TKTL1: variants seen among roughly 807,000 people sequenced by gnomAD.
TKTL1 encodes transketolase like 1.
TKTL1 carries 1 observed loss-of-function variant against 39.3 expected under a neutral mutation model. That is an observed-to-expected ratio of 0.03 (90% CI 0.01 to 0.12). The LOEUF (loss-of-function observed/expected upper bound fraction) is 0.12. Ranked by LOEUF, TKTL1 falls within the 10% of genes least tolerant of loss-of-function variation. TKTL1 has a pLI of 1.00. For missense variants in TKTL1, 575 were observed against 509.6 expected (o/e 1.13, Z -1.24); for synonymous variants, 262 against 193.8 (o/e 1.35, Z -2.92).
Position 154,320,983 on chromosome X carries a change from T to C in TKTL1, c.1186+70T>C. The C allele has an allele frequency of 2.8e-6, 3 of 1,079,362 alleles. 1 individual carries two copies. In the African/African-American group the frequency reaches 5.4e-5, roughly 20 times the overall value. The allele number at this position is 1,079,362 out of a possible 1,213,427, so 89.0% of individuals were successfully genotyped here. ...CAGAGAAAGATTAGCATGTGATTGGTTAAACCACGAATTTCCTTATGGTTC... is the reference window on the plus strand; with the variant it reads ...CAGAGAAAGATTAGCATGTGATTGGCTAAACCACGAATTTCCTTATGGTTC... On this transcript the variant is annotated intron_variant, in intron 8 of 12. Transcript: ENST00000369915.
chrX:154,310,479 C>CT (rs1196138422), intron 3 of TKTL1, among the ~76,000 whole-genome samples: 1 of 112,410 alleles, frequency 8.9e-6, no homozygotes. Flanking sequence ...TAAAAGGGAA[C>CT]TTACCAGAAA....
At chrX:154,311,630 A>C (rs971900840) in intron 5 of TKTL1, among the ~76,000 whole-genome samples, 1 of 111,257 alleles carries the variant, frequency 9.0e-6, no homozygotes, top group East Asian at 2.8e-4. Flanking sequence ...GAACCCTGGG[A>C]ATTGGGGAAG....
At chrX:154,325,074 G>A (rs1246425955) in intron 9 of TKTL1, among the ~76,000 whole-genome samples, 2 of 111,928 alleles carry the variant, frequency 1.8e-5, no homozygotes, top group East Asian at 5.6e-4. Flanking sequence ...TTAATGTTCT[G>A]TCTGCACAGA....
At position 154,305,357 on chromosome X, in the gene TKTL1, A is replaced by G. The variant is rs782086049; in HGVS notation, c.188A>G (p.Tyr63Cys). ...GAGATCATGTCTGTGCTGTTCTTCT[A>G]CATCATGAGGTACAAGCAGTCAGAT... ...SSEIMSVLFF[Y>C]IMRYKQSDPE... The change falls in exon 2 of 13, where the codon TAC (tyrosine) becomes TGC (cysteine). Residue 63 changes from tyrosine (Y) to cysteine (C), a missense_variant. Coordinates refer to ENST00000369915, the MANE Select transcript of TKTL1 (RefSeq NM_012253.4). 12 of 1,210,752 alleles carry G rather than the reference A, an allele frequency of 9.9e-6. No homozygotes were observed. Among genetic ancestry groups the G allele is most frequent in the Non-Finnish European group, 1.2e-5 (11 of 894,840 alleles).
intron 3 of TKTL1, among the ~76,000 whole-genome samples, chrX:154,309,862 G>C (rs1042908263): frequency 1.4e-4 from 15 of 110,303 alleles, no homozygotes; most frequent in Non-Finnish European, 1.9e-4. Flanking sequence ...AGCCTCCTGA[G>C]TAGCTGGGAT....
chrX:154,323,639 T>C (rs2067470189), intron 9 of TKTL1, among the ~76,000 whole-genome samples: 1 of 111,993 alleles, frequency 8.9e-6, no homozygotes, highest in Non-Finnish European at 1.9e-5. Flanking sequence ...CAAAGGGTGC[T>C]TAAGAAGCCG....
intron 2 of TKTL1, among the ~76,000 whole-genome samples, chrX:154,307,488 C>T (rs941471667): frequency 1.8e-5 from 2 of 112,767 alleles, no homozygotes; most frequent in Non-Finnish European, 3.8e-5. Flanking sequence ...CTCCCTGAAT[C>T]GTCTGCCCCG....
At chrX:154,308,719 C>G (rs1557167687) in intron 2 of TKTL1, among the ~76,000 whole-genome samples, 1 of 109,752 alleles carries the variant, frequency 9.1e-6, no homozygotes, top group Non-Finnish European at 1.9e-5. Context: ...ACATTTTCTG[C>G]TTGGGATAGT....
intron 9 of TKTL1, 66 bp from the exon 10 acceptor site, chrX:154,325,273 T>C: frequency 9.4e-7 from 1 of 1,064,560 alleles, no homozygotes. Context: ...CCTTCACTTC[T>C]TTCAACGTCT....
chrX:154,315,214 G>A lies in TKTL1; in HGVS notation c.906G>A (p.Leu302=). 1 of 1,211,546 alleles carries A rather than the reference G, an allele frequency of 8.3e-7. No homozygotes were observed. ...CATGCGGTCTGGCTCTGGCTAAGCTGGGCTACGCGAACAACAGAGTCGTTG... is the reference window on the plus strand; with the variant it reads ...CATGCGGTCTGGCTCTGGCTAAGCTAGGCTACGCGAACAACAGAGTCGTTG... ...RKACGLALAK[L]GYANNRVVVL... The change falls in exon 7 of 13, where the codon CTG becomes CTA. Residue 302 remains leucine, a synonymous_variant. Coordinates refer to ENST00000369915, the MANE Select transcript of TKTL1 (RefSeq NM_012253.4).
chrX:154,319,379 C>T (rs781804465), intron 7 of TKTL1, among the ~76,000 whole-genome samples: 1 of 112,190 alleles, frequency 8.9e-6, no homozygotes, highest in Non-Finnish European at 1.9e-5. Context: ...GATGATCCCC[C>T]TGTAAGAGTC....
At chrX:154,308,339 T>C (rs2148804189) in intron 2 of TKTL1, among the ~76,000 whole-genome samples, 1 of 111,777 alleles carries the variant, frequency 8.9e-6, no homozygotes, top group African/African-American at 3.2e-5. Flanking sequence ...GTATGCCCAC[T>C]GTGTTCAAGG....
At chrX:154,310,237 G>A (rs1312346631) in intron 3 of TKTL1, among the ~76,000 whole-genome samples, 1 of 110,200 alleles carries the variant, frequency 9.1e-6, no homozygotes, top group African/African-American at 3.3e-5. Context: ...TGGGCGGATC[G>A]CCTGAGGTCA....
At chrX:154,322,454 C>T (rs1425550964) in intron 8 of TKTL1, among the ~76,000 whole-genome samples, 3 of 110,963 alleles carry the variant, frequency 2.7e-5, no homozygotes, top group Non-Finnish European at 5.7e-5. Flanking sequence ...ATTGCTTGAA[C>T]CTGGGAGGTA....
At chrX:154,327,431 G>A in intron 10 of TKTL1, 160 bp from the exon 11 acceptor site, 1 of 575,871 alleles carries the variant, frequency 1.7e-6, no homozygotes, top group Non-Finnish European at 3.2e-6. Context: ...CAAAAAGTAT[G>A]TGTCCTGGCT....
intron 1 of TKTL1, among the ~76,000 whole-genome samples, chrX:154,302,640 G>A (rs1443571521): frequency 8.9e-6 from 1 of 111,779 alleles, no homozygotes; most frequent in Non-Finnish European, 1.9e-5. Flanking sequence ...AGGAATTCTG[G>A]GGGGACACAT....
chrX:154,298,967 C>A (rs2067251682), intron 1 of TKTL1, among the ~76,000 whole-genome samples: 1 of 109,625 alleles, frequency 9.1e-6, no homozygotes, highest in African/African-American at 3.3e-5. Context: ...GCTTCGGCTC[C>A]CAAAGTGCTG....
chrX:154,300,578 T>C (rs1471691557), intron 1 of TKTL1, among the ~76,000 whole-genome samples: 1 of 112,167 alleles, frequency 8.9e-6, no homozygotes, highest in Non-Finnish European at 1.9e-5. Flanking sequence ...TTCTCAAGCT[T>C]GGTCGTTGTT....
intron 9 of TKTL1, among the ~76,000 whole-genome samples, chrX:154,324,848 C>T (rs189009806): frequency 8.9e-6 from 1 of 112,040 alleles, no homozygotes; most frequent in African/African-American, 3.2e-5. Context: ...TTTAGACATA[C>T]AAGTGTTCAT....
Sources: gnomAD v4.1 joint callset for allele counts (sites outside exome capture counted in the v4.1 genomes callset) on GRCh38, gnomAD v4.1.1 for gene constraint, MANE v1.5 for transcripts, NCBI Gene and HGNC (gene_info 2026-07-23, HGNC 2026-07-21) for gene names.